The following ARGLU1 variants were observed in gnomAD, a reference collection of about 807,000 sequenced individuals.
The protein encoded by ARGLU1 is arginine and glutamate rich 1.
ARGLU1 carries 9 observed loss-of-function variants against 37.6 expected under a neutral mutation model. The ratio of observed to expected loss-of-function variants is 0.24; its 90% CI spans 0.14 to 0.42. The LOEUF (loss-of-function observed/expected upper bound fraction) is 0.42, where lower values mean the gene tolerates loss of function less well. ARGLU1 is among the 10% of genes least tolerant of loss of function. The pLI is 1.00. For synonymous variants in ARGLU1, 166 were observed against 138.5 expected (o/e 1.20, Z -1.39); for missense variants, 211 against 359.2 (o/e 0.59, Z 3.34).
intron 1 of ARGLU1, among the ~76,000 whole-genome samples, chr13:106,563,576 GAA>G (rs1880876188): frequency 6.6e-6 from 1 of 152,204 alleles, no homozygotes; most frequent in African/African-American, 2.4e-5. Flanking sequence ...GGCTGAGGTA[GAA>G]GGATTACTTG....
chr13:106,564,782 A>G lies in ARGLU1; in HGVS notation c.347+2791T>C, dbSNP rs113622697. On this transcript the variant is annotated intron_variant, in intron 1 of 3. Transcript: ENST00000400198. ...CAAGTCTGGATAAACTCAGTACAGT[A>G]TATCCAAAACTAGTGCTCACAGTGA... is the stretch of plus-strand genomic sequence containing the variant. Among the ~76,000 whole-genome samples the G allele has an allele frequency of 3.4e-3, 513 of 152,290 alleles. 3 individuals are homozygous for G. Among genetic ancestry groups the G allele is most frequent in the African/African-American group, 0.012 (487 of 41,554 alleles).
chr13:106,551,195 C>A (rs571965281), intron 3 of ARGLU1, among the ~76,000 whole-genome samples: 9 of 152,218 alleles, frequency 5.9e-5, no homozygotes, highest in African/African-American at 1.9e-4. Flanking sequence ...ATATTCCCAA[C>A]ATCCAGTGCT....
intron 1 of ARGLU1, among the ~76,000 whole-genome samples, chr13:106,561,428 C>T (rs866184264): frequency 0.017 from 525 of 31,638 alleles, 4 homozygotes; most frequent in African/African-American, 0.038. Context: ...AAAGTGTACA[C>T]ACACACACAC....
chr13:106,551,785 T>C (rs967018491), intron 3 of ARGLU1, among the ~76,000 whole-genome samples: 1 of 152,132 alleles, frequency 6.6e-6, no homozygotes, highest in Non-Finnish European at 1.5e-5. Flanking sequence ...ATCACTTCAA[T>C]CTTCAACGCC....
chr13:106,557,137 G>C lies in ARGLU1; in HGVS notation c.574-6C>G. ...CGTTTTGCACGTTCTTCCTCCTAAA[G>C]GGGAGGATATGTTAAGATATTAGAA... On this transcript the variant is annotated splice_polypyrimidine_tract_variant and splice_region_variant and intron_variant, in intron 2 of 3. Transcript: ENST00000400198. The surrounding 1 kb of genome is among the most constrained non-coding windows in gnomAD (Gnocchi z 5.0). The C allele has an allele frequency of 6.2e-7, 1 of 1,604,056 alleles. No individual in the cohort carries two copies. The highest frequency in any genetic ancestry group is 1.1e-5 in the South Asian group (1 of 90,748).
intron 3 of ARGLU1, among the ~76,000 whole-genome samples, chr13:106,544,649 A>G (rs1880346515): frequency 6.6e-6 from 1 of 152,118 alleles, no homozygotes. Flanking sequence ...GATTTACTCA[A>G]AGAGCAGGTT....
intron 1 of ARGLU1, among the ~76,000 whole-genome samples, chr13:106,565,889 A>C (rs1165614116): frequency 6.6e-6 from 1 of 152,144 alleles, no homozygotes; most frequent in Non-Finnish European, 1.5e-5. Context: ...ATACATGCGA[A>C]ACCTGCTAAA....
chr13:106,563,112 C>T (rs973136217), intron 1 of ARGLU1, among the ~76,000 whole-genome samples: 11 of 151,740 alleles, frequency 7.2e-5, no homozygotes, highest in African/African-American at 2.7e-4. Context: ...TAACTGGCAC[C>T]ATTATTTTAA....
chr13:106,564,799 T>C (rs1255336059), intron 1 of ARGLU1, among the ~76,000 whole-genome samples: 1 of 152,188 alleles, frequency 6.6e-6, no homozygotes, highest in Non-Finnish European at 1.5e-5. Flanking sequence ...AAACTAGTGC[T>C]CACAGTGAAG....
chr13:106,566,107 C>G (rs1470607436), intron 1 of ARGLU1, among the ~76,000 whole-genome samples: 3 of 152,040 alleles, frequency 2.0e-5, no homozygotes, highest in African/African-American at 7.3e-5. Flanking sequence ...TGTTGCAGAC[C>G]CAAAAGTTGT....
intron 3 of ARGLU1, among the ~76,000 whole-genome samples, chr13:106,550,443 C>T (rs1880505979): frequency 6.6e-6 from 1 of 152,186 alleles, no homozygotes; most frequent in Non-Finnish European, 1.5e-5. Flanking sequence ...AAACCTCTCG[C>T]TCTCTGAAAA....
Position 106,567,985 on chromosome 13 carries a change from C to T in ARGLU1, c.-66G>A. On this transcript the variant is annotated 5_prime_UTR_variant, in exon 1 of 4. Coordinates refer to ENST00000400198, the MANE Select transcript of ARGLU1 (RefSeq NM_018011.4). This position sits in a 1 kb window ranked among gnomAD's most constrained non-coding sequence, Gnocchi z 4.3. ...ACGCGGCCAGTTCCCCTCGCCTCCG[C>T]CTTCGGACGCGGGCTGGCGGTTCTA... 6.6e-7 allele frequency: 1 copy of T among 1,519,434 alleles called. No homozygotes were observed. The highest frequency in any genetic ancestry group is 8.7e-7 in the Non-Finnish European group (1 of 1,145,944). The allele number at this position is 1,519,434 out of a possible 1,614,324, so 94.1% of individuals were successfully genotyped here.
Position 106,568,075 on chromosome 13 carries a change from T to C in ARGLU1, c.-156A>G. On this transcript the variant is annotated 5_prime_UTR_variant, in exon 1 of 4. Transcript: ENST00000400198. ...TATGCCTTTTCCCGGCGTCTACAGC[T>C]GCCACGAAGGCCGCCTCCAACGAGA... 1 of 1,210,852 alleles carries C rather than the reference T, an allele frequency of 8.3e-7. No homozygotes were observed. The highest frequency in any genetic ancestry group is 1.1e-6 in the Non-Finnish European group (1 of 918,238). 75.0% of individuals were successfully genotyped at this position (1,210,852 alleles called of 1,614,324 possible).
intron 3 of ARGLU1, among the ~76,000 whole-genome samples, chr13:106,555,652 G>C (rs1387066766): frequency 2.0e-5 from 3 of 152,190 alleles, no homozygotes; most frequent in Non-Finnish European, 4.4e-5. Context: ...ATTAGGTTAT[G>C]ACTACCAATA....
At chr13:106,549,619 G>A (rs1403056682) in intron 3 of ARGLU1, among the ~76,000 whole-genome samples, 1 of 152,088 alleles carries the variant, frequency 6.6e-6, no homozygotes. Context: ...CCTCCTTAGG[G>A]TTTCTAATAT....
intron 2 of ARGLU1, chr13:106,558,029 A>C (rs1461824508): frequency 9.1e-6 from 9 of 985,222 alleles, no homozygotes; most frequent in African/African-American, 1.7e-5. Context: ...CTGTATGAAG[A>C]CTGCTTGATG....
At chr13:106,563,087 G>A (rs746080426) in intron 1 of ARGLU1, among the ~76,000 whole-genome samples, 10 of 151,108 alleles carry the variant, frequency 6.6e-5, no homozygotes, top group East Asian at 1.9e-4. Context: ...ACAGCACTTC[G>A]GCACTGTTAC....
Position 106,552,453 on chromosome 13 carries a change from A to C in ARGLU1, c.657+4595T>G, listed in dbSNP as rs370541667. Reference sequence around the variant, plus strand: ...TAGTTTAGGCGTTTACACCAGATTCACTAGCCAGGTTGTACGGTTTGTATT... The same window carrying C: ...TAGTTTAGGCGTTTACACCAGATTCCCTAGCCAGGTTGTACGGTTTGTATT... On this transcript the variant is annotated intron_variant, in intron 3 of 3. Transcript: ENST00000400198. 9.8e-5 allele frequency among the ~76,000 whole-genome samples: 15 copies of C among 152,324 alleles called. No homozygotes were observed. In the South Asian group the frequency reaches 3.1e-3, roughly 32 times the overall value.
chr13:106,546,513 A>G (rs1880393934), intron 3 of ARGLU1, among the ~76,000 whole-genome samples: 1 of 152,176 alleles, frequency 6.6e-6, no homozygotes, highest in Non-Finnish European at 1.5e-5. Context: ...TTTCACTGAT[A>G]TTACAACAAA....
Sources: gnomAD v4.1 joint callset for allele counts (sites outside exome capture counted in the v4.1 genomes callset) on GRCh38, gnomAD v4.1.1 for gene constraint, Gnocchi (gnomAD v3.1) non-coding constraint, MANE v1.5 for transcripts, NCBI Gene and HGNC (gene_info 2026-07-23, HGNC 2026-07-21) for gene names.